PIP5K1A: variants seen among roughly 807,000 people sequenced by gnomAD.
The protein encoded by PIP5K1A is phosphatidylinositol-4-phosphate 5-kinase type 1 alpha.
PIP5K1A carries 46 observed loss-of-function variants against 72.9 expected under a neutral mutation model. The observed-to-expected ratio is 0.63, with a 90% CI of 0.50 to 0.81. The LOEUF is 0.81. Ranked by LOEUF, PIP5K1A falls within the 30% of genes least tolerant of loss-of-function variation. The pLI is 0.00. For synonymous variants in PIP5K1A, 228 were observed against 255.1 expected, an observed-to-expected ratio of 0.89 and a Z score of 1.01; for missense variants, 458 against 706.1, an observed-to-expected ratio of 0.65 and a Z score of 3.98.
chr1:151,223,686 A>G (rs888583939), intron 1 of PIP5K1A, among the ~76,000 whole-genome samples: 3 of 151,344 alleles, frequency 2.0e-5, no homozygotes, highest in African/African-American at 7.3e-5. Context: ...CCATCTAAAA[A>G]ATAAAAATTA....
intron 1 of PIP5K1A, among the ~76,000 whole-genome samples, chr1:151,220,030 G>C (rs1346573515): frequency 6.6e-6 from 1 of 151,878 alleles, no homozygotes; most frequent in African/African-American, 2.4e-5. Context: ...TTTTGAGACA[G>C]AGTGTTGCTC....
chr1:151,231,578 T>TA, intron 4 of PIP5K1A, 93 bp from the exon 5 acceptor site: 1 of 1,125,272 alleles, frequency 8.9e-7, no homozygotes, highest in Non-Finnish European at 1.3e-6. Flanking sequence ...ATGTTTGTTT[T>TA]AAAGTGTTCC....
chr1:151,198,204 AT>A, upstream of PIP5K1A: 1 of 426,078 alleles, frequency 2.3e-6, no homozygotes, highest in South Asian at 1.7e-5. Context: ...GTGGTATTAA[AT>A]GTTTTGTGAT....
At chr1:151,223,701 A>G (rs998212629) in intron 1 of PIP5K1A, among the ~76,000 whole-genome samples, 1 of 151,900 alleles carries the variant, frequency 6.6e-6, no homozygotes, top group Admixed American at 6.6e-5. Flanking sequence ...AAATTAAAAA[A>G]AAAGGGACAG....
chr1:151,197,188 G>A (rs1684634165), upstream of PIP5K1A, among the ~76,000 whole-genome samples: 1 of 150,496 alleles, frequency 6.6e-6, no homozygotes, highest in African/African-American at 2.4e-5. Flanking sequence ...ATGGATGTTC[G>A]GGTCCTAGGT....
At position 151,198,934 on chromosome 1, in the gene PIP5K1A, C is replaced by G. The variant is rs984503203; in HGVS notation, c.-63C>G. On this transcript the variant is annotated 5_prime_UTR_variant, in exon 1 of 16. Transcript: ENST00000368888. The stretch of plus-strand genomic sequence containing the variant: ...AAAGAGACGTTGGGAAGATTCGATT[C>G]CGAGAAGAGGAAGAACCGGATTGAA... The G allele has an allele frequency of 4.0e-6, 6 of 1,481,692 alleles. No individual in the cohort carries two copies. Among genetic ancestry groups the G allele is most frequent in the Non-Finnish European group, 4.7e-6 (5 of 1,062,800 alleles). 91.8% of individuals were successfully genotyped at this position (1,481,692 alleles called of 1,614,324 possible).
intron 3 of PIP5K1A, among the ~76,000 whole-genome samples, chr1:151,227,111 G>C (rs1482994685): frequency 2.0e-5 from 3 of 152,164 alleles, no homozygotes; most frequent in Non-Finnish European, 4.4e-5. Context: ...GTCCCTTGGA[G>C]TTTTCTTCTG....
chr1:151,227,365 A>C lies in PIP5K1A; in HGVS notation c.202A>C (p.Ser68Arg). 3 of 1,613,220 alleles carry C rather than the reference A, an allele frequency of 1.9e-6. No individual in the cohort carries two copies. The highest frequency in any genetic ancestry group is 1.7e-6 in the Non-Finnish European group (2 of 1,179,216). ...GMPIKKIGHR[S>R]VDSSGETTYK... ...GCCCATCAAGAAAATAGGCCATAGA[A>C]GTGTTGATTCCTCAGGAGAGACAAC... Residue 68 changes from serine (S) to arginine (R), a missense_variant, in exon 4 of 16, where the codon AGT becomes CGT. By Grantham distance (110) the Ser-to-Arg change is moderately radical. Around this residue, in one of 3 missense-constraint regions of PIP5K1A, gnomAD observed 81 missense variants for 88.0 expected, o/e 0.92. Transcript: ENST00000368888.
intron 3 of PIP5K1A, 144 bp from the exon 4 acceptor site, chr1:151,227,176 A>T: frequency 3.6e-6 from 2 of 557,494 alleles, no homozygotes; most frequent in South Asian, 4.9e-5. Flanking sequence ...GTATATTTGC[A>T]TGGGATAGAT....
chr1:151,213,930 C>T (rs1433627419), intron 1 of PIP5K1A, among the ~76,000 whole-genome samples: 1 of 152,018 alleles, frequency 6.6e-6, no homozygotes, highest in African/African-American at 2.4e-5. Flanking sequence ...ACAAAATAAG[C>T]CTACTCCCAC....
chr1:151,197,760 A>G (rs1684688769), upstream of PIP5K1A, among the ~76,000 whole-genome samples: 1 of 152,250 alleles, frequency 6.6e-6, no homozygotes, highest in Non-Finnish European at 1.5e-5. Context: ...AACCAAACAC[A>G]GTCCTTGCTC....
intron 8 of PIP5K1A, 65 bp downstream of exon 8, chr1:151,234,561 T>A: frequency 7.5e-7 from 1 of 1,332,912 alleles, no homozygotes; most frequent in Non-Finnish European, 1.1e-6. Flanking sequence ...TCTTAGGCAT[T>A]AAGTTTGTGG....
intron 1 of PIP5K1A, among the ~76,000 whole-genome samples, chr1:151,202,014 C>T (rs777310252): frequency 2.0e-5 from 3 of 152,188 alleles, no homozygotes; most frequent in Non-Finnish European, 2.9e-5. Flanking sequence ...TTGCTTTACT[C>T]TGTGTATTTC....
At chr1:151,241,525 G>C (rs1691706568) in intron 12 of PIP5K1A, among the ~76,000 whole-genome samples, 1 of 151,888 alleles carries the variant, frequency 6.6e-6, no homozygotes, top group Admixed American at 6.6e-5. Context: ...AAAGGGGGCA[G>C]GGCAGTGGCT....
intron 9 of PIP5K1A, among the ~76,000 whole-genome samples, chr1:151,237,191 T>C (rs587724118): frequency 3.3e-5 from 5 of 152,256 alleles, no homozygotes; most frequent in African/African-American, 1.2e-4. Flanking sequence ...GACTCAGCAG[T>C]TGGATCAGTA....
chr1:151,234,052 G>A (rs1347820146), intron 7 of PIP5K1A, 145 bp from the exon 8 acceptor site: 10 of 646,472 alleles, frequency 1.5e-5, no homozygotes, highest in Non-Finnish European at 2.8e-5. Context: ...GAAATGTAAA[G>A]CATATATGAT....
intron 12 of PIP5K1A, chr1:151,240,299 T>A (rs958930323): frequency 1.0e-4 from 42 of 405,680 alleles, no homozygotes; most frequent in South Asian, 1.9e-4. Context: ...TGCAAAAAAA[T>A]AAATAAATAA....
intron 3 of PIP5K1A, among the ~76,000 whole-genome samples, chr1:151,227,085 C>G (rs1201256109): frequency 6.6e-6 from 1 of 152,132 alleles, no homozygotes; most frequent in African/African-American, 2.4e-5. Flanking sequence ...TTCTGAGGAC[C>G]AAAGGGAAAA....
At chr1:151,219,112 G>C (rs929860172) in intron 1 of PIP5K1A, among the ~76,000 whole-genome samples, 1 of 152,172 alleles carries the variant, frequency 6.6e-6, no homozygotes, top group Non-Finnish European at 1.5e-5. Flanking sequence ...TGGGCACAAT[G>C]GCTCACGCCT....
Sources: allele counts gnomAD v4.1 joint callset (sites outside exome capture counted in the v4.1 genomes callset), GRCh38; gene constraint gnomAD v4.1.1; regional missense constraint gnomAD v4.1.1; transcripts MANE v1.5; gene names NCBI Gene and HGNC (gene_info 2026-07-23, HGNC 2026-07-21).